Variants in XKR9 observed in about 807,000 individuals in gnomAD.
XKR9 encodes the protein XK-related protein 9.
Under a neutral mutation model 32.0 loss-of-function variants are expected in XKR9, and 32 were observed. That is an observed-to-expected ratio of 1.00 (90% CI 0.76 to 1.34). The LOEUF (loss-of-function observed/expected upper bound fraction) is 1.34. XKR9 is among the 40% of genes most tolerant of loss of function. The pLI is 0.00. For missense variants in XKR9, 546 were observed against 429.7 expected, an observed-to-expected ratio of 1.27 and a Z score of -2.39; for synonymous variants, 168 against 143.4, an observed-to-expected ratio of 1.17 and a Z score of -1.22.
chr8:70,786,010 C>G (rs1468563235), intron 2 of XKR9, among the ~76,000 whole-genome samples: 4 of 151,794 alleles, frequency 2.6e-5, no homozygotes, highest in African/African-American at 9.7e-5. Context: ...TTTTAAATTT[C>G]CCTTTTAATT....
At chr8:70,683,529 C>G (rs1404176662) in intron 3 of XKR9, 1 of 449,804 alleles carries the variant, frequency 2.2e-6, no homozygotes, top group Non-Finnish European at 4.5e-6. Context: ...GCTCTGTCAC[C>G]CAGGCTGGCC....
chr8:70,781,324 C>T (rs909157089), intron 2 of XKR9, among the ~76,000 whole-genome samples: 1 of 151,768 alleles, frequency 6.6e-6, no homozygotes, highest in Non-Finnish European at 1.5e-5. Flanking sequence ...GTTACTAGAC[C>T]CTCATCAAAT....
At chr8:70,673,289 G>T (rs1015979576) in intron 1 of XKR9, among the ~76,000 whole-genome samples, 5 of 152,128 alleles carry the variant, frequency 3.3e-5, no homozygotes, top group Non-Finnish European at 1.5e-5. Context: ...ACTTTCACTT[G>T]CACTTTCCTT....
the XKR9 span, among the ~76,000 whole-genome samples, chr8:70,886,132 C>T: frequency 1.3e-5 from 2 of 152,104 alleles, no homozygotes; most frequent in African/African-American, 2.4e-5. Flanking sequence ...TGAGTGAGAA[C>T]ATGTGGTGTT....
chr8:71,040,370 T>G, the XKR9 span, among the ~76,000 whole-genome samples: 1 of 152,214 alleles, frequency 6.6e-6, no homozygotes, highest in African/African-American at 2.4e-5. Flanking sequence ...CATGTAAAAT[T>G]GCCGTTTTTA....
the XKR9 span, among the ~76,000 whole-genome samples, chr8:70,960,231 G>A: frequency 3.4e-5 from 5 of 145,704 alleles, no homozygotes; most frequent in African/African-American, 1.2e-4. Context: ...GGCAAAAAGA[G>A]CAAAACTCCG....
the XKR9 span, among the ~76,000 whole-genome samples, chr8:70,800,789 T>C: frequency 6.6e-6 from 1 of 152,006 alleles, no homozygotes; most frequent in Non-Finnish European, 1.5e-5. Context: ...CCTGGCCAGG[T>C]TCTGGGGTTT....
At chr8:70,682,955 G>A (rs1563419546) in intron 3 of XKR9, among the ~76,000 whole-genome samples, 1 of 152,194 alleles carries the variant, frequency 6.6e-6, no homozygotes, top group Non-Finnish European at 1.5e-5. Flanking sequence ...GCTGCATGGT[G>A]TATCCTTTAG....
chr8:70,677,150 T>A (rs188400707), intron 2 of XKR9, among the ~76,000 whole-genome samples: 3 of 145,548 alleles, frequency 2.1e-5, no homozygotes, highest in Non-Finnish European at 4.7e-5. Flanking sequence ...AAAAATCTTT[T>A]TTTGTTTTGT....
At chr8:70,739,113 G>A (rs1257490901), downstream of XKR9, among the ~76,000 whole-genome samples, 1 of 151,982 alleles carries the variant, frequency 6.6e-6, no homozygotes, top group African/African-American at 2.4e-5. Flanking sequence ...AAGTCTGTTT[G>A]TAGGTCACTC....
the XKR9 span, among the ~76,000 whole-genome samples, chr8:70,802,128 G>A: frequency 6.6e-6 from 1 of 151,752 alleles, no homozygotes; most frequent in Admixed American, 6.6e-5. Flanking sequence ...AGTAGACACG[G>A]GGTTTCACCA....
chr8:71,029,671 T>C, the XKR9 span, among the ~76,000 whole-genome samples: 1 of 152,116 alleles, frequency 6.6e-6, no homozygotes, highest in Admixed American at 6.5e-5. Flanking sequence ...GACTAAAATG[T>C]AATTTGCTGA....
intron 3 of XKR9, among the ~76,000 whole-genome samples, chr8:70,691,917 A>G (rs1309936470): frequency 6.6e-6 from 1 of 152,082 alleles, no homozygotes; most frequent in Non-Finnish European, 1.5e-5. Flanking sequence ...GGTTCCATAT[A>G]AATTTTAAAT....
chr8:70,997,443 A>G, the XKR9 span, among the ~76,000 whole-genome samples: 1 of 152,260 alleles, frequency 6.6e-6, no homozygotes, highest in Non-Finnish European at 1.5e-5. Context: ...ATAAAAAGGA[A>G]CAAAATAATG....
the XKR9 span, among the ~76,000 whole-genome samples, chr8:71,025,700 C>T: frequency 6.6e-6 from 1 of 152,208 alleles, no homozygotes; most frequent in African/African-American, 2.4e-5. Flanking sequence ...CATATCTTTC[C>T]TTTTAAGCTT....
the XKR9 span, among the ~76,000 whole-genome samples, chr8:70,898,494 T>C: frequency 6.6e-6 from 1 of 152,198 alleles, no homozygotes; most frequent in African/African-American, 2.4e-5. Flanking sequence ...TATAGAGTTT[T>C]ACCCTGCAAA....
chr8:70,943,857 T>C, the XKR9 span, among the ~76,000 whole-genome samples: 3 of 152,178 alleles, frequency 2.0e-5, no homozygotes, highest in Admixed American at 2.0e-4. Context: ...GTGAATACTA[T>C]CTTCAGATTT....
intron 2 of XKR9, among the ~76,000 whole-genome samples, chr8:70,741,101 T>G (rs1047920206): frequency 5.9e-5 from 9 of 152,268 alleles, no homozygotes; most frequent in Non-Finnish European, 1.3e-4. Context: ...GCAGGCCTCC[T>G]TGAGCTGTGG....
At chr8:70,783,578 G>T (rs1349472227) in intron 2 of XKR9, among the ~76,000 whole-genome samples, 1 of 152,108 alleles carries the variant, frequency 6.6e-6, no homozygotes, top group African/African-American at 2.4e-5. Context: ...TAACTGAGTT[G>T]TTTGAGCTCC....
Sources: allele counts gnomAD v4.1 joint callset (sites outside exome capture counted in the v4.1 genomes callset), GRCh38; gene constraint gnomAD v4.1.1; transcripts MANE v1.5; gene names NCBI Gene and HGNC (gene_info 2026-07-23, HGNC 2026-07-21).